Variants in RGS12 observed in about 807,000 individuals in gnomAD.
RGS12 encodes the protein regulator of G protein signaling 12.
RGS12 carries 66 observed loss-of-function variants against 120.1 expected under a neutral mutation model. The ratio of observed to expected loss-of-function variants is 0.55; its 90% CI spans 0.45 to 0.67. The LOEUF is 0.67. Ranked by LOEUF, RGS12 falls within the 30% of genes least tolerant of loss-of-function variation. The probability of loss-of-function intolerance (pLI) is 0.00; values close to 1 mark genes in which losing one functional copy is unlikely to be tolerated. For synonymous variants in RGS12, 827 were observed against 804.7 expected, an observed-to-expected ratio of 1.03 and a Z score of -0.47; for missense variants, 1,859 against 1,957.7, an observed-to-expected ratio of 0.95 and a Z score of 0.95.
chr4:3,373,931 A>T (rs1717338702), intron 3 of RGS12, among the ~76,000 whole-genome samples: 1 of 152,208 alleles, frequency 6.6e-6, no homozygotes, highest in South Asian at 2.1e-4. Flanking sequence ...CCTTCTTTTC[A>T]TTAAGAAATT....
At chr4:3,299,733 T>C (rs537571699) in intron 1 of RGS12, among the ~76,000 whole-genome samples, 4 of 152,228 alleles carry the variant, frequency 2.6e-5, no homozygotes, top group Non-Finnish European at 5.9e-5. Flanking sequence ...TAGCCTAGAA[T>C]AGATGCATTT....
At chr4:3,367,754 G>A (rs1305162750) in intron 3 of RGS12, among the ~76,000 whole-genome samples, 4 of 152,200 alleles carry the variant, frequency 2.6e-5, no homozygotes, top group Non-Finnish European at 4.4e-5. Flanking sequence ...GGCTAGGCAG[G>A]GGAGGTCAGC....
At chr4:3,393,001 A>C (rs912481809) in intron 4 of RGS12, among the ~76,000 whole-genome samples, 5 of 151,904 alleles carry the variant, frequency 3.3e-5, no homozygotes, top group African/African-American at 1.2e-4. Flanking sequence ...AAAACAAAAA[A>C]CCCCAAAATG....
chr4:3,386,660 G>A (rs1280086617), intron 4 of RGS12, among the ~76,000 whole-genome samples: 1 of 152,134 alleles, frequency 6.6e-6, no homozygotes, highest in Non-Finnish European at 1.5e-5. Context: ...AACTGCCATG[G>A]CCCTGAACAC....
chr4:3,371,370 C>T (rs1052554152), intron 3 of RGS12, among the ~76,000 whole-genome samples: 3 of 152,168 alleles, frequency 2.0e-5, no homozygotes, highest in East Asian at 3.8e-4. Flanking sequence ...TTGGAGCTGT[C>T]GTGGGTTTAA....
intron 10 of RGS12, among the ~76,000 whole-genome samples, chr4:3,422,108 C>T (rs968042807): frequency 6.6e-6 from 1 of 152,168 alleles, no homozygotes; most frequent in Non-Finnish European, 1.5e-5. Context: ...GTGGAGAAGC[C>T]CAGATGTGCC....
chr4:3,287,864 G>A, the RGS12 span, among the ~76,000 whole-genome samples: 2 of 152,214 alleles, frequency 1.3e-5, no homozygotes, highest in African/African-American at 2.4e-5. Flanking sequence ...AGGCTCATTT[G>A]TCCCACGGGG....
chr4:3,430,187 G>C (rs777623840), intron 16 of RGS12, among the ~76,000 whole-genome samples: 34 of 152,238 alleles, frequency 2.2e-4, no homozygotes, highest in Admixed American at 7.2e-4. Flanking sequence ...GGAGTACACA[G>C]CTTTTTCAGA....
chr4:3,286,398 T>G, the RGS12 span, among the ~76,000 whole-genome samples: 3 of 152,350 alleles, frequency 2.0e-5, no homozygotes, highest in South Asian at 6.2e-4. Flanking sequence ...CCTGGCTGCC[T>G]GGGGATTTTC....
rs1724230721 is a variant in RGS12, at chr4:3,430,943, C to G, written c.4102C>G (p.Pro1368Ala). Residue 1368 changes from proline (P) to alanine (A), a missense_variant, in exon 17 of 18, where the codon CCT (proline) becomes GCT (alanine). Coordinates refer to ENST00000336727, the MANE Select transcript of RGS12 (RefSeq NM_001394154.1). ...PPSTPQEVPGPSRPGSGTHGS... is the reference protein window; with the variant it reads ...PPSTPQEVPGASRPGSGTHGS... ...CTCCACCCCCCAGGAAGTGCCAGGA[C>G]CTTCCAGACCAGGTACCTCCAGGTT... The G allele has an allele frequency of 6.2e-7, 1 of 1,612,528 alleles. No individual in the cohort carries two copies. Among genetic ancestry groups the G allele is most frequent in the African/African-American group, 1.3e-5 (1 of 74,936 alleles).
chr4:3,298,586 C>T (rs1216389167), intron 1 of RGS12, among the ~76,000 whole-genome samples: 1 of 152,152 alleles, frequency 6.6e-6, no homozygotes, highest in Non-Finnish European at 1.5e-5. Flanking sequence ...AGAAGTCAGT[C>T]ACTCTGGTAG....
At chr4:3,320,975 C>G (rs1424791690) in intron 2 of RGS12, among the ~76,000 whole-genome samples, 4 of 152,132 alleles carry the variant, frequency 2.6e-5, no homozygotes, top group African/African-American at 9.7e-5. Context: ...GCAGAGGAGG[C>G]CCCTGGAGGG....
intron 13 of RGS12, among the ~76,000 whole-genome samples, chr4:3,424,181 C>T (rs1269787456): frequency 2.0e-5 from 3 of 152,250 alleles, no homozygotes; most frequent in Non-Finnish European, 2.9e-5. Context: ...GGGCAGGCCA[C>T]GCGAGATGGC....
At chr4:3,420,852 G>A (rs901162500) in intron 10 of RGS12, 134 bp downstream of exon 10, 11 of 817,918 alleles carry the variant, frequency 1.3e-5, no homozygotes, top group East Asian at 2.7e-5. Flanking sequence ...GACAAGGCTC[G>A]GGTGCCGGCC....
At chr4:3,326,189 A>G (rs909625001) in intron 2 of RGS12, among the ~76,000 whole-genome samples, 1 of 152,224 alleles carries the variant, frequency 6.6e-6, no homozygotes, top group African/African-American at 2.4e-5. Flanking sequence ...GGCAAGAGGA[A>G]TAAATAAAAG....
intron 2 of RGS12, among the ~76,000 whole-genome samples, chr4:3,325,644 G>A (rs947326409): frequency 2.0e-5 from 3 of 152,116 alleles, no homozygotes; most frequent in Admixed American, 6.6e-5. Context: ...CTCCTGAAAC[G>A]GTTCCAGAAA....
intron 13 of RGS12, among the ~76,000 whole-genome samples, chr4:3,425,254 G>A (rs375461086): frequency 1.3e-4 from 20 of 152,038 alleles, no homozygotes; most frequent in East Asian, 1.9e-4. Flanking sequence ...TGATTCCATC[G>A]AGCTTAGGAT....
chr4:3,396,780 C>T (rs1029761272), intron 4 of RGS12, among the ~76,000 whole-genome samples: 11 of 152,208 alleles, frequency 7.2e-5, no homozygotes, highest in African/African-American at 2.4e-4. Context: ...TTTCAAGTCA[C>T]TGGCAGCTTT....
intron 2 of RGS12, among the ~76,000 whole-genome samples, chr4:3,334,896 TTA>T (rs1356023166): frequency 1.3e-5 from 2 of 152,184 alleles, no homozygotes; most frequent in Non-Finnish European, 2.9e-5. Flanking sequence ...CTCTGGGATA[TTA>T]CTGCATTCTT....
Sources: allele counts gnomAD v4.1 joint callset (sites outside exome capture counted in the v4.1 genomes callset), GRCh38; gene constraint gnomAD v4.1.1; transcripts MANE v1.5; gene names NCBI Gene and HGNC (gene_info 2026-07-23, HGNC 2026-07-21).